Variants in ADCY5 observed in about 807,000 individuals in gnomAD.
ADCY5 encodes the protein adenylate cyclase 5, also known as adenylate cyclase type 5.
ADCY5 carries 30 observed loss-of-function variants against 119.7 expected under a neutral mutation model. The ratio of observed to expected loss-of-function variants is 0.25; its 90% CI spans 0.19 to 0.34. The LOEUF (loss-of-function observed/expected upper bound fraction) is 0.34, where lower values mean the gene tolerates loss of function less well. Ranked by LOEUF, ADCY5 falls within the 10% of genes least tolerant of loss-of-function variation. The probability of loss-of-function intolerance (pLI) is 1.00; values close to 1 mark genes in which losing one functional copy is unlikely to be tolerated. For synonymous variants in ADCY5, 753 were observed against 762.2 expected, an observed-to-expected ratio of 0.99 and a Z score of 0.20; for missense variants, 1,324 against 1,775.2, an observed-to-expected ratio of 0.75 and a Z score of 4.57.
intron 1 of ADCY5, among the ~76,000 whole-genome samples, chr3:123,432,900 C>T (rs533403619): frequency 6.6e-6 from 1 of 152,188 alleles, no homozygotes; most frequent in South Asian, 2.1e-4. Context: ...GAGATGCCAG[C>T]CCAGGGAAGA....
rs773904715 is a variant in ADCY5 at position 123,330,963 on chromosome 3, C to G, written c.1572G>C (p.Ser524=). 14 of 1,614,050 alleles carry G rather than the reference C, an allele frequency of 8.7e-6. No individual in the cohort carries two copies. Among genetic ancestry groups the G allele is most frequent in the Non-Finnish European group, 1.1e-5 (13 of 1,179,938 alleles). Residue 524 remains serine (S), a synonymous_variant, in exon 5 of 21, where the codon TCG becomes TCC. Transcript: ENST00000462833. ...GGTCAGCCCTTGCTTCAGGCAGCCC[C>G]GAGACGCAGTAATAACAATCCCCAA... ...KILGDCYYCV[S]GLPEARADHA...
intron 1 of ADCY5, among the ~76,000 whole-genome samples, chr3:123,382,182 GA>G (rs1944055237): frequency 6.6e-6 from 1 of 152,150 alleles, no homozygotes; most frequent in South Asian, 2.1e-4. Flanking sequence ...CCAAGCAAAG[GA>G]CCAGATATCC....
chr3:123,398,066 G>C (rs1032096545), intron 1 of ADCY5, among the ~76,000 whole-genome samples: 1 of 152,144 alleles, frequency 6.6e-6, no homozygotes, highest in African/African-American at 2.4e-5. Context: ...CCCTTTGTCT[G>C]GGTTACTCTA....
chr3:123,322,758 CT>C (rs1381317132), intron 8 of ADCY5, among the ~76,000 whole-genome samples: 1 of 152,152 alleles, frequency 6.6e-6, no homozygotes, highest in African/African-American at 2.4e-5. Context: ...CCTTAAAGAC[CT>C]TATGACACTA....
intron 1 of ADCY5, chr3:123,416,167 G>A: frequency 6.5e-7 from 1 of 1,536,046 alleles, no homozygotes; most frequent in Non-Finnish European, 8.7e-7. Context: ...GAGGCCTGAG[G>A]TGGCCATGAC....
intron 8 of ADCY5, among the ~76,000 whole-genome samples, chr3:123,324,520 G>A (rs866632349): frequency 1.3e-5 from 2 of 151,202 alleles, no homozygotes; most frequent in African/African-American, 2.4e-5. Flanking sequence ...ACTCCCACCT[G>A]GGAACCTGGT....
chr3:123,337,378 C>T (rs922048158), intron 3 of ADCY5, among the ~76,000 whole-genome samples: 6 of 152,180 alleles, frequency 3.9e-5, no homozygotes, highest in African/African-American at 1.4e-4. Flanking sequence ...AAGGTGCCCC[C>T]GGTAGTTTCC....
intron 1 of ADCY5, chr3:123,418,724 C>G (rs1002138387): frequency 3.3e-5 from 5 of 152,242 alleles, no homozygotes; most frequent in African/African-American, 1.2e-4. Context: ...CATCGGAGAT[C>G]AAATTTCAAC....
In ADCY5 at chr3:123,382,730, A is replaced by C. The variant is rs1416312073; in HGVS notation, c.1135-30149T>G. Among the ~76,000 whole-genome samples the C allele has an allele frequency of 8.5e-5, 13 of 152,180 alleles. 1 individual carries two copies. Among genetic ancestry groups the C allele is most frequent in the Admixed American group, 6.5e-5 (1 of 15,270 alleles). Reference sequence around the variant, plus strand: ...TCAAAATCATAGAGACAGAAAGTAGATTAGAGATGACCAAAGGCTGGGGGG... The same window carrying C: ...TCAAAATCATAGAGACAGAAAGTAGCTTAGAGATGACCAAAGGCTGGGGGG... On this transcript the variant is annotated intron_variant, in intron 1 of 20. Transcript: ENST00000462833.
At chr3:123,389,738 T>A (rs1944347656) in intron 1 of ADCY5, among the ~76,000 whole-genome samples, 1 of 152,120 alleles carries the variant, frequency 6.6e-6, no homozygotes, top group Non-Finnish European at 1.5e-5. Flanking sequence ...GTCAGTCAAC[T>A]CTACCAGAAT....
intron 1 of ADCY5, among the ~76,000 whole-genome samples, chr3:123,370,082 G>A (rs1187052144): frequency 1.3e-5 from 2 of 152,146 alleles, no homozygotes; most frequent in South Asian, 2.1e-4. Flanking sequence ...GCCAAAGGGT[G>A]AGCCATGAAA....
At chr3:123,429,856 TACCCACG>T (rs1252661622) in intron 1 of ADCY5, among the ~76,000 whole-genome samples, 1 of 151,994 alleles carries the variant, frequency 6.6e-6, no homozygotes, top group African/African-American at 2.4e-5. Context: ...CCCCACCCCA[TACCCACG>T]TCCAACCCCA....
At chr3:123,391,721 G>A (rs1576657713) in intron 1 of ADCY5, among the ~76,000 whole-genome samples, 1 of 152,336 alleles carries the variant, frequency 6.6e-6, no homozygotes, top group Non-Finnish European at 1.5e-5. Context: ...AGTAACACAG[G>A]CAGGCCCTGC....
At chr3:123,425,757 A>C (rs1453972033) in intron 1 of ADCY5, among the ~76,000 whole-genome samples, 1 of 151,010 alleles carries the variant, frequency 6.6e-6, no homozygotes, top group Non-Finnish European at 1.5e-5. Context: ...CCAGCTTACA[A>C]GCTGGTCCCA....
chr3:123,408,511 C>CCAGGTG (rs1944962511), intron 1 of ADCY5, among the ~76,000 whole-genome samples: 1 of 151,534 alleles, frequency 6.6e-6, no homozygotes. Flanking sequence ...CAAAAATTAG[C>CCAGGTG]TGGGCACAGT....
chr3:123,399,534 A>G (rs1050277107), intron 1 of ADCY5, among the ~76,000 whole-genome samples: 4 of 152,182 alleles, frequency 2.6e-5, no homozygotes, highest in African/African-American at 9.7e-5. Context: ...CTGTGGTAAA[A>G]AACACATAAC....
At chr3:123,389,374 C>T (rs766371778) in intron 1 of ADCY5, among the ~76,000 whole-genome samples, 6 of 152,076 alleles carry the variant, frequency 3.9e-5, no homozygotes, top group South Asian at 2.1e-4. Context: ...GAGTTAGGAA[C>T]GCAGCTTCGA....
At chr3:123,318,447 A>G (rs1395255235) in intron 10 of ADCY5, among the ~76,000 whole-genome samples, 1 of 152,162 alleles carries the variant, frequency 6.6e-6, no homozygotes, top group East Asian at 1.9e-4. Context: ...GTCTACAGGC[A>G]TCATCCAGCA....
intron 1 of ADCY5, among the ~76,000 whole-genome samples, chr3:123,443,747 C>T (rs1283481521): frequency 1.3e-5 from 2 of 152,178 alleles, no homozygotes; most frequent in African/African-American, 4.8e-5. Flanking sequence ...GGGAAAACCC[C>T]TAGTGGCTCC....
Sources: gnomAD v4.1 joint callset for allele counts (sites outside exome capture counted in the v4.1 genomes callset) on GRCh38, gnomAD v4.1.1 for gene constraint, MANE v1.5 for transcripts, NCBI Gene and HGNC (gene_info 2026-07-23, HGNC 2026-07-21) for gene names.